The following GPBP1 variants were observed in gnomAD, a reference collection of about 807,000 sequenced individuals.
The protein encoded by GPBP1 is GC-rich promoter binding protein 1, also known as vasculin.
Under a neutral mutation model 56.5 loss-of-function variants are expected in GPBP1, and 13 were observed. That is an observed-to-expected ratio of 0.23 (90% CI 0.15 to 0.37). The LOEUF (loss-of-function observed/expected upper bound fraction) is 0.37, where lower values mean the gene tolerates loss of function less well. Ranked by LOEUF, GPBP1 falls within the 10% of genes least tolerant of loss-of-function variation. The pLI is 1.00. For missense variants in GPBP1, 477 were observed against 572.3 expected (o/e 0.83, Z 1.70); for synonymous variants, 204 against 188.9 (o/e 1.08, Z -0.66).
chr5:57,246,561 A>T, intron 7 of GPBP1, 77 bp downstream of exon 7: 3 of 1,251,416 alleles, frequency 2.4e-6, no homozygotes, highest in Non-Finnish European at 3.3e-6. Context: ...ATGTTAAAGA[A>T]TTTAAAGTGT....
chr5:57,178,174 T>A (rs1753879305), intron 2 of GPBP1, among the ~76,000 whole-genome samples: 1 of 152,232 alleles, frequency 6.6e-6, no homozygotes, highest in East Asian at 1.9e-4. Context: ...AATATGCATC[T>A]TAAATAAGAT....
Position 57,230,960 on chromosome 5 carries a change from C to T in GPBP1, c.178C>T (p.Pro60Ser), listed in dbSNP as rs1256489722. 1.2e-6 allele frequency: 2 copies of T among 1,601,578 alleles called. No homozygotes were observed. The highest frequency in any genetic ancestry group is 2.7e-5 in the African/African-American group (2 of 74,180). Residue 60 changes from proline (P) to serine (S), a missense_variant, in exon 4 of 12, where the codon CCT becomes TCT. By Grantham distance (74) the Pro-to-Ser change is moderately conservative. Transcript: ENST00000506184. The part of the protein sequence containing the change: ...SDGFDSAIGR[P>S]NGGNFGRKEK... ...TGGCTTTGATTCTGCTATTGGGCGT[C>T]CTAATGGAGGTAAAATTTGCTAAGG...
intron 3 of GPBP1, among the ~76,000 whole-genome samples, chr5:57,223,701 G>A (rs927554366): frequency 1.3e-5 from 2 of 151,272 alleles, no homozygotes; most frequent in Non-Finnish European, 2.9e-5. Context: ...CTTCATAGTC[G>A]CTTCTGGGTA....
At chr5:57,190,846 A>G (rs1754491479) in intron 2 of GPBP1, among the ~76,000 whole-genome samples, 1 of 151,690 alleles carries the variant, frequency 6.6e-6, no homozygotes, top group African/African-American at 2.4e-5. Context: ...AGCTGGGACT[A>G]CAGGTACATA....
chr5:57,240,535 G>C (rs1166030960), intron 6 of GPBP1, among the ~76,000 whole-genome samples: 1 of 152,090 alleles, frequency 6.6e-6, no homozygotes, highest in Non-Finnish European at 1.5e-5. Flanking sequence ...TTAATATAAT[G>C]GTGGAAGAAT....
intron 6 of GPBP1, among the ~76,000 whole-genome samples, chr5:57,245,186 G>A (rs1309173107): frequency 6.6e-6 from 1 of 152,122 alleles, no homozygotes; most frequent in Non-Finnish European, 1.5e-5. Flanking sequence ...CCGTCAGGAA[G>A]TTTCAATCTT....
chr5:57,221,491 C>A, intron 3 of GPBP1: 2 of 772,086 alleles, frequency 2.6e-6, no homozygotes, highest in Non-Finnish European at 4.3e-6. Context: ...CAAAATAATC[C>A]CTGTAAACAG....
At chr5:57,208,787 G>T (rs1467625316) in intron 2 of GPBP1, among the ~76,000 whole-genome samples, 4 of 151,132 alleles carry the variant, frequency 2.6e-5, no homozygotes, top group African/African-American at 9.7e-5. Context: ...CTTCCAAGTA[G>T]CTGGGATTAC....
chr5:57,224,343 A>C (rs1478734074), intron 3 of GPBP1, among the ~76,000 whole-genome samples: 1 of 151,178 alleles, frequency 6.6e-6, no homozygotes, highest in Non-Finnish European at 1.5e-5. Flanking sequence ...CCCAGGTTCA[A>C]GCATTTCTCC....
chr5:57,194,489 G>A (rs572846530), intron 2 of GPBP1, among the ~76,000 whole-genome samples: 97 of 152,198 alleles, frequency 6.4e-4, no homozygotes, highest in Non-Finnish European at 1.2e-3. Flanking sequence ...TCAGGGTAGT[G>A]GGAATATCAC....
At chr5:57,186,858 G>C (rs913967409) in intron 2 of GPBP1, among the ~76,000 whole-genome samples, 1 of 151,984 alleles carries the variant, frequency 6.6e-6, no homozygotes, top group African/African-American at 2.4e-5. Flanking sequence ...GGCGAGAGCC[G>C]CTGTGACCAC....
intron 3 of GPBP1, among the ~76,000 whole-genome samples, chr5:57,223,898 A>G (rs1020468222): frequency 4.6e-5 from 7 of 151,696 alleles, no homozygotes; most frequent in African/African-American, 9.7e-5. Flanking sequence ...CAGCGATGCT[A>G]TCTCGGCTCA....
rs201778551 is a variant in GPBP1, at chr5:57,230,893, G to T, written c.111G>T (p.Glu37Asp). ...EKHSENFAWT[E>D]NRYDVNRRRH... Reference sequence around the variant, plus strand: ...ATTCTGAAAACTTTGCATGGACAGAGAATCGTTATGATGTGAACCGTCGAC... The same window carrying T: ...ATTCTGAAAACTTTGCATGGACAGATAATCGTTATGATGTGAACCGTCGAC... Residue 37 changes from glutamate (E) to aspartate (D), a missense_variant, in exon 4 of 12, where the codon GAG (glutamate) becomes GAT (aspartate). Physicochemically the swap from Glu to Asp is conservative, Grantham distance 45. This residue lies in a region of GPBP1 where 414 missense variants were observed against 458.2 expected (regional missense o/e 0.90). Coordinates refer to ENST00000506184, the MANE Select transcript of GPBP1 (RefSeq NM_022913.4). 2.8e-5 allele frequency: 45 copies of T among 1,612,222 alleles called. No homozygotes were observed. The highest frequency in any genetic ancestry group is 3.8e-5 in the Non-Finnish European group (45 of 1,179,170).
At chr5:57,208,130 C>T (rs941842927) in intron 2 of GPBP1, among the ~76,000 whole-genome samples, 1 of 152,084 alleles carries the variant, frequency 6.6e-6, no homozygotes, top group Admixed American at 6.6e-5. Context: ...CCATGCCCTT[C>T]CCTTCCCAGC....
chr5:57,247,185 C>G lies in GPBP1; in HGVS notation c.774C>G (p.Asn258Lys). ...ATGCTTTTAAATCAACTGCCAAGAA[C>G]TTTAGTCCATCTACAAATTCAGTGA... The part of the protein sequence containing the change: ...NFNAFKSTAK[N>K]FSPSTNSVKE... Residue 258 changes from asparagine to lysine, a missense_variant, in exon 8 of 12, where the codon AAC (asparagine) becomes AAG (lysine). By Grantham distance (94) the Asn-to-Lys change is moderately conservative. This residue lies in a region of GPBP1 where 414 missense variants were observed against 458.2 expected (regional missense o/e 0.90). Coordinates refer to ENST00000506184, the MANE Select transcript of GPBP1 (RefSeq NM_022913.4). 1 of 1,613,460 alleles carries G rather than the reference C, an allele frequency of 6.2e-7. No homozygotes were observed. The highest frequency in any genetic ancestry group is 8.5e-7 in the Non-Finnish European group (1 of 1,179,722).
intron 2 of GPBP1, among the ~76,000 whole-genome samples, chr5:57,179,958 T>A (rs1239832821): frequency 6.6e-6 from 1 of 151,802 alleles, no homozygotes; most frequent in Middle Eastern, 3.4e-3. Flanking sequence ...GCTGCTGATA[T>A]GTTAAAATTG....
chr5:57,204,450 C>T (rs1160440198), intron 2 of GPBP1, among the ~76,000 whole-genome samples: 2 of 152,126 alleles, frequency 1.3e-5, no homozygotes, highest in African/African-American at 4.8e-5. Context: ...TCGGATTTTG[C>T]CACGTTGACC....
At chr5:57,197,163 C>T (rs866217433) in intron 2 of GPBP1, among the ~76,000 whole-genome samples, 2 of 152,194 alleles carry the variant, frequency 1.3e-5, no homozygotes, top group African/African-American at 4.8e-5. Flanking sequence ...ATCCTCCTGC[C>T]TGGCCATCAC....
chr5:57,180,275 C>T (rs1412887975), intron 2 of GPBP1, among the ~76,000 whole-genome samples: 2 of 151,984 alleles, frequency 1.3e-5, no homozygotes, highest in Non-Finnish European at 2.9e-5. Context: ...CTGCCATGCC[C>T]AGCTAATTTT....
Sources: gnomAD v4.1 joint callset for allele counts (sites outside exome capture counted in the v4.1 genomes callset) on GRCh38, gnomAD v4.1.1 for gene constraint, gnomAD v4.1.1 regional missense constraint, MANE v1.5 for transcripts, NCBI Gene and HGNC (gene_info 2026-07-23, HGNC 2026-07-21) for gene names.